Variants in DACH2 observed in about 807,000 individuals in gnomAD.
DACH2 encodes dachshund family transcription factor 2, also known as dachshund homolog 2.
A neutral mutation model predicts 35.8 loss-of-function variants in DACH2; 17 were observed. That is an observed-to-expected ratio of 0.48 (90% confidence interval 0.33 to 0.71). The LOEUF is 0.71. DACH2 is among the 30% of genes least tolerant of loss of function. DACH2 has a pLI of 0.02. For synonymous variants in DACH2, 195 were observed against 177.3 expected, an observed-to-expected ratio of 1.10 and a Z score of -0.79; for missense variants, 469 against 472.7, an observed-to-expected ratio of 0.99 and a Z score of 0.07.
At chrX:86,295,014 T>C (rs1476173266) in intron 1 of DACH2, among the ~76,000 whole-genome samples, 5 of 110,785 alleles carry the variant, frequency 4.5e-5, no homozygotes, top group East Asian at 2.9e-4. Flanking sequence ...GCGCCCCTCC[T>C]CCAGCCTCAC....
chrX:86,228,462 AAG>A (rs772709960), intron 1 of DACH2, among the ~76,000 whole-genome samples: 15 of 105,641 alleles, frequency 1.4e-4, no homozygotes, highest in African/African-American at 5.2e-4. Flanking sequence ...AAAAAAAAAA[AAG>A]AAAAAAGAAA....
chrX:86,406,456 C>G (rs747164289), intron 2 of DACH2, among the ~76,000 whole-genome samples: 1 of 111,978 alleles, frequency 8.9e-6, no homozygotes, highest in South Asian at 3.7e-4. Flanking sequence ...GTGATGTTAT[C>G]TGTTCCCCAA....
chrX:86,604,426 C>T (rs180908353), intron 3 of DACH2, among the ~76,000 whole-genome samples: 1 of 111,700 alleles, frequency 9.0e-6, no homozygotes, highest in Admixed American at 9.5e-5. Flanking sequence ...CTCTTTGATG[C>T]TCTGCTATAT....
At chrX:86,541,941 G>T (rs924765027) in intron 3 of DACH2, among the ~76,000 whole-genome samples, 1 of 111,730 alleles carries the variant, frequency 9.0e-6, no homozygotes, top group Admixed American at 9.5e-5. Context: ...GAAATTTTTT[G>T]AGGATTACTA....
intron 4 of DACH2, among the ~76,000 whole-genome samples, chrX:86,651,759 C>T (rs1319298984): frequency 9.0e-6 from 1 of 110,650 alleles, no homozygotes; most frequent in Non-Finnish European, 1.9e-5. Flanking sequence ...ACCCCGTGAT[C>T]ATTGTACCTT....
chrX:86,424,325 AT>A (rs1362428175), intron 2 of DACH2, among the ~76,000 whole-genome samples: 11 of 109,855 alleles, frequency 1.0e-4, no homozygotes, highest in Non-Finnish European at 2.1e-4. Context: ...AAAATGAAAT[AT>A]TTTTTTCTAT....
At chrX:86,309,597 C>A in intron 1 of DACH2, among the ~76,000 whole-genome samples, 1 of 111,826 alleles carries the variant, frequency 8.9e-6, no homozygotes, top group African/African-American at 3.3e-5. Context: ...GTAGTAAACA[C>A]ATTGGAGACA....
In DACH2 at chrX:86,406,748, T is replaced by C. The variant is rs763467448; in HGVS notation, c.527+29886T>C. ...GAAAAAATGTATTCCACAGTTTCAC[T>C]TTCTAACAGCAGAAACAGAATATGC... On this transcript the variant is annotated intron_variant, in intron 2 of 11. Coordinates refer to ENST00000373125, the MANE Select transcript of DACH2 (RefSeq NM_053281.3). Among the ~76,000 whole-genome samples the C allele has an allele frequency of 7.1e-5, 8 of 112,429 alleles. No individual in the cohort carries two copies. In the South Asian group the frequency reaches 2.9e-3, roughly 41 times the overall value.
chrX:86,541,020 T>C (rs1269041372), intron 3 of DACH2, among the ~76,000 whole-genome samples: 1 of 111,653 alleles, frequency 9.0e-6, no homozygotes, highest in Non-Finnish European at 1.9e-5. Context: ...TGCTTACCTG[T>C]GAAAAACCTA....
At chrX:86,157,747 G>T (rs958171257) in intron 1 of DACH2, among the ~76,000 whole-genome samples, 2 of 111,511 alleles carry the variant, frequency 1.8e-5, no homozygotes, top group African/African-American at 6.5e-5. Flanking sequence ...TGTCTAAAAA[G>T]TATAGTACTA....
chrX:86,669,834 G>A (rs2040743420), intron 4 of DACH2, among the ~76,000 whole-genome samples: 1 of 111,105 alleles, frequency 9.0e-6, no homozygotes, highest in Admixed American at 9.6e-5. Context: ...CTGCCAAGCA[G>A]TAGAGTAGAT....
intron 3 of DACH2, among the ~76,000 whole-genome samples, chrX:86,517,325 G>C (rs193221136): frequency 6.3e-5 from 7 of 111,206 alleles, no homozygotes; most frequent in Non-Finnish European, 1.3e-4. Context: ...ACCACAAAAT[G>C]TAATGATCAG....
intron 1 of DACH2, among the ~76,000 whole-genome samples, chrX:86,260,202 A>C (rs1374415979): frequency 2.7e-5 from 3 of 110,880 alleles, no homozygotes. Context: ...AATATTCCTG[A>C]AGCAACTTGT....
intron 2 of DACH2, among the ~76,000 whole-genome samples, chrX:86,417,503 AAG>A (rs201147472): frequency 2.7e-5 from 3 of 111,219 alleles, no homozygotes; most frequent in Non-Finnish European, 3.8e-5. Flanking sequence ...GGCAGCAGGC[AAG>A]AGAGAGAACT....
chrX:86,308,343 G>C (rs186513312), intron 1 of DACH2, among the ~76,000 whole-genome samples: 1 of 112,542 alleles, frequency 8.9e-6, no homozygotes, highest in South Asian at 3.7e-4. Flanking sequence ...GGCAGCACTC[G>C]ACTGTCAAAG....
intron 2 of DACH2, among the ~76,000 whole-genome samples, chrX:86,400,197 T>A (rs1331922796): frequency 8.9e-6 from 1 of 112,194 alleles, no homozygotes; most frequent in African/African-American, 3.2e-5. Context: ...TGTGCATTCA[T>A]CACGTAATTC....
intron 7 of DACH2, among the ~76,000 whole-genome samples, chrX:86,770,356 G>A (rs953039172): frequency 9.0e-6 from 1 of 111,647 alleles, no homozygotes; most frequent in Non-Finnish European, 1.9e-5. Flanking sequence ...CATATTTTGA[G>A]GAATCATGGA....
Position 86,821,594 on chromosome X carries a change from G to A in DACH2, c.1750+5495G>A, listed in dbSNP as rs60423896. 2.7e-5 allele frequency among the ~76,000 whole-genome samples: 3 copies of A among 111,103 alleles called. No homozygotes were observed. The East Asian group carries it at 8.5e-4, about 31-fold the overall frequency. On this transcript the variant is annotated intron_variant, in intron 11 of 11. Transcript: ENST00000373125. ...TTATCCTGACTGGTGGTACCTCTCT[G>A]CTGTGAAATATCTGTCAGACCATAG... is the stretch of plus-strand genomic sequence containing the variant.
intron 4 of DACH2, among the ~76,000 whole-genome samples, chrX:86,683,553 G>A (rs988791990): frequency 7.2e-5 from 8 of 111,663 alleles, no homozygotes; most frequent in African/African-American, 2.6e-4. Context: ...AATTAATGTG[G>A]TTAACTGCAA....
Sources: gnomAD v4.1 joint callset for allele counts (sites outside exome capture counted in the v4.1 genomes callset) on GRCh38, gnomAD v4.1.1 for gene constraint, MANE v1.5 for transcripts, NCBI Gene and HGNC (gene_info 2026-07-23, HGNC 2026-07-21) for gene names.